The following SELE variants were observed in gnomAD, a reference collection of about 807,000 sequenced individuals.
SELE encodes selectin E, also known as E-selectin.
Under a neutral mutation model 75.8 loss-of-function variants are expected in SELE, and 52 were observed. The observed-to-expected ratio is 0.69, with a 90% CI of 0.55 to 0.86. The LOEUF is 0.86. Ranked by LOEUF, SELE falls within the 40% of genes least tolerant of loss-of-function variation. The probability of loss-of-function intolerance (pLI) is 0.00; values close to 1 mark genes in which losing one functional copy is unlikely to be tolerated. For synonymous variants in SELE, 285 were observed against 258.7 expected (o/e 1.10, Z -0.98); for missense variants, 754 against 732.7 (o/e 1.03, Z -0.34).
chr1:169,727,979 C>T (rs767068480), intron 8 of SELE, 52 bp from the exon 9 acceptor site: 84 of 1,590,328 alleles, frequency 5.3e-5, no homozygotes, highest in Non-Finnish European at 6.8e-5. Flanking sequence ...TCCAGCAATA[C>T]GTTTCCCAAG....
chr1:169,728,202 TC>T lies in SELE; in HGVS notation c.1134del (p.Met378IlefsTer27). On this transcript the variant is annotated frameshift_variant, in exon 8 of 14. Coordinates refer to ENST00000333360, the MANE Select transcript of SELE (RefSeq NM_000450.2). LOFTEE classifies it high-confidence loss of function. ...CTGCCAGAAGCACTAGGAAGACAAT[TC>T]ATGTAGCCTCGCTCGGGGTTGGACA... ...TALSNPERGY[M>X]NCLPSASGSF... The T allele has an allele frequency of 1.5e-5, 24 of 1,614,086 alleles. No individual in the cohort carries two copies. Among genetic ancestry groups the T allele is most frequent in the Non-Finnish European group, 2.0e-5 (24 of 1,180,006 alleles).
At chr1:169,725,853 G>C in intron 12 of SELE, 52 bp from the exon 13 acceptor site, 3 of 1,613,784 alleles carry the variant, frequency 1.9e-6, no homozygotes, top group Non-Finnish European at 2.5e-6. Flanking sequence ...AACATGAAGA[G>C]AGAAAAATAT....
At chr1:169,733,131 G>T in intron 2 of SELE, 133 bp from the exon 3 acceptor site, 1 of 916,052 alleles carries the variant, frequency 1.1e-6, no homozygotes, top group South Asian at 2.0e-5. Flanking sequence ...CTTTTCAAAA[G>T]TAAGAAGTAC....
In SELE at chr1:169,728,263, A is replaced by G; in HGVS notation, c.1091-17T>C. On this transcript the variant is annotated splice_polypyrimidine_tract_variant and intron_variant, in intron 7 of 13. Coordinates refer to ENST00000333360, the MANE Select transcript of SELE (RefSeq NM_000450.2). The stretch of plus-strand genomic sequence containing the variant: ...ACTGGAAAGCTGAGACATCAAAATG[A>G]TGGTCAGAAAATATTGCAGTGGAAC... The G allele has an allele frequency of 6.2e-7, 1 of 1,611,330 alleles. No homozygotes were observed. The highest frequency in any genetic ancestry group is 2.2e-5 in the East Asian group (1 of 44,828).
chr1:169,726,162 T>A (rs1209803974), intron 11 of SELE, among the ~76,000 whole-genome samples: 1 of 152,180 alleles, frequency 6.6e-6, no homozygotes, highest in Non-Finnish European at 1.5e-5. Flanking sequence ...TACGGGGTCA[T>A]CTTGCCCAAT....
At chr1:169,733,033 T>A in intron 2 of SELE, 35 bp from the exon 3 acceptor site, 1 of 1,517,610 alleles carries the variant, frequency 6.6e-7, no homozygotes, top group South Asian at 1.3e-5. Context: ...TGGTAGAGTT[T>A]GGTACTGTTG....
intron 4 of SELE, 80 bp from the exon 5 acceptor site, chr1:169,730,697 G>GT (rs1427372740): frequency 3.2e-5 from 25 of 790,060 alleles, no homozygotes; most frequent in South Asian, 6.1e-5. Context: ...ACTACAGTTT[G>GT]GTTTTTTTTT....
chr1:169,729,516 A>T lies in SELE; in HGVS notation c.873T>A (p.Asn291Lys). 1 of 1,614,102 alleles carries T rather than the reference A, an allele frequency of 6.2e-7. No individual in the cohort carries two copies. The highest frequency in any genetic ancestry group is 1.1e-5 in the South Asian group (1 of 91,074). The stretch of plus-strand genomic sequence containing the variant: ...TACACGTTGGCTTCTCGTTGTCCCA[A>T]TTCCCAGATGAGGTACACTGAAGGC... Reference protein sequence around the residue: ...AQSLQCTSSGNWDNEKPTCKA... With the variant: ...AQSLQCTSSGKWDNEKPTCKA... The change falls in exon 6 of 14, where the codon AAT (asparagine) becomes AAA (lysine). Residue 291 changes from asparagine to lysine, a missense_variant. By Grantham distance (94) the Asn-to-Lys change is moderately conservative. Coordinates refer to ENST00000333360, the MANE Select transcript of SELE (RefSeq NM_000450.2).
Position 169,732,796 on chromosome 1 carries a change from C to T in SELE, c.240G>A (p.Val80=). The T allele has an allele frequency of 1.2e-6, 2 of 1,614,150 alleles. No homozygotes were observed. The change falls in exon 3 of 14, where the codon GTG becomes GTA. Residue 80 remains valine, a synonymous_variant. Coordinates refer to ENST00000333360, the MANE Select transcript of SELE (RefSeq NM_000450.2). The stretch of plus-strand genomic sequence containing the variant: ...GTTTCTGGGTTCCTACCCAGACCCA[C>T]ACATTGTTGACTTTTCTGATTCCAA... ...YWIGIRKVNN[V]WVWVGTQKPL...
intron 9 of SELE, 24 bp downstream of exon 9, chr1:169,727,715 A>G (rs775610038): frequency 3.7e-6 from 6 of 1,608,040 alleles, no homozygotes; most frequent in Non-Finnish European, 5.1e-6. Context: ...CCTGTACCCT[A>G]AAAAAGTCTG....
At chr1:169,733,390 A>G (rs1417885770) in intron 2 of SELE, among the ~76,000 whole-genome samples, 186 bp downstream of exon 2, 1 of 152,196 alleles carries the variant, frequency 6.6e-6, no homozygotes, top group African/African-American at 2.4e-5. Flanking sequence ...CTTTACACTT[A>G]AGGAAAGGGA....
At chr1:169,724,810 G>A (rs560830203) in intron 13 of SELE, among the ~76,000 whole-genome samples, 7 of 152,214 alleles carry the variant, frequency 4.6e-5, no homozygotes, top group Non-Finnish European at 7.3e-5. Context: ...AGGGGGAATT[G>A]AAGGGGTGGT....
chr1:169,733,674 A>G lies in SELE; in HGVS notation c.-48-14T>C. 6.7e-7 allele frequency: 1 copy of G among 1,502,588 alleles called. No individual in the cohort carries two copies. Among genetic ancestry groups the G allele is most frequent in the South Asian group, 1.1e-5 (1 of 88,624 alleles). 93.1% of individuals were successfully genotyped at this position (1,502,588 alleles called of 1,614,324 possible). A position where few individuals can be genotyped will look rare whatever the true frequency, so the allele number is the denominator to read the frequency against. On this transcript the variant is annotated splice_polypyrimidine_tract_variant and intron_variant, in intron 1 of 13. Transcript: ENST00000333360. ...TGAAATACTTTCCTGGGGAGATAAAACACAAAATGAATTAAAGAAGGAAAT... is the reference window on the plus strand; with the variant it reads ...TGAAATACTTTCCTGGGGAGATAAAGCACAAAATGAATTAAAGAAGGAAAT...
intron 5 of SELE, 105 bp from the exon 6 acceptor site, chr1:169,729,778 A>ATT: frequency 9.7e-7 from 1 of 1,028,884 alleles, no homozygotes; most frequent in Non-Finnish European, 1.4e-6. Context: ...CAAAGGGTAG[A>ATT]TCCCAAAGTC....
chr1:169,731,778 AG>A, intron 4 of SELE, 56 bp downstream of exon 4: 1 of 1,175,442 alleles, frequency 8.5e-7, no homozygotes, highest in Non-Finnish European at 1.3e-6. Flanking sequence ...AATGCCAGCT[AG>A]GACGTGAGAT....
chr1:169,733,003 T>TC lies in SELE; in HGVS notation c.38-6_38-5insG. ...CACTCTCTTTAATGAGAAGCACTAGTGGGAGAAAAAGAAAAGAAATGGTAG... is the reference window on the plus strand; with the variant it reads ...CACTCTCTTTAATGAGAAGCACTAGTCGGGAGAAAAAGAAAAGAAATGGTAG... On this transcript the variant is annotated splice_polypyrimidine_tract_variant and splice_region_variant and intron_variant, in intron 2 of 13. Coordinates refer to ENST00000333360, the MANE Select transcript of SELE (RefSeq NM_000450.2). 1 of 1,553,378 alleles carries TC rather than the reference T, an allele frequency of 6.4e-7. No homozygotes were observed. The highest frequency in any genetic ancestry group is 2.2e-5 in the East Asian group (1 of 44,462).
In SELE at chr1:169,727,331, C is replaced by T. The variant is rs373886816; in HGVS notation, c.1645+18G>A. The stretch of plus-strand genomic sequence containing the variant: ...TTCTTTTTAATCACCAGACAACCAC[C>T]ATCAATCAATGCATCACCTTCACAG... On this transcript the variant is annotated intron_variant, in intron 10 of 13. Coordinates refer to ENST00000333360, the MANE Select transcript of SELE (RefSeq NM_000450.2). The T allele has an allele frequency of 2.6e-5, 42 of 1,598,752 alleles. No individual in the cohort carries two copies. The highest frequency in any genetic ancestry group is 3.3e-5 in the Non-Finnish European group (39 of 1,171,058).
Position 169,730,423 on chromosome 1 carries a change from G to A in SELE, c.715+9C>T. 1 of 1,572,934 alleles carries A rather than the reference G, an allele frequency of 6.4e-7. No individual in the cohort carries two copies. Among genetic ancestry groups the A allele is most frequent in the South Asian group, 1.2e-5 (1 of 84,868 alleles). On this transcript the variant is annotated intron_variant, in intron 5 of 13. Transcript: ENST00000333360. Reference sequence around the variant, plus strand: ...ACAGAACGTTCTGTGCATTCTCAGAGGGATTTACCATTGCAGGCTGGAATA... The same window carrying A: ...ACAGAACGTTCTGTGCATTCTCAGAAGGATTTACCATTGCAGGCTGGAATA...
chr1:169,724,887 CA>C (rs1273047074), intron 13 of SELE, among the ~76,000 whole-genome samples: 2 of 152,022 alleles, frequency 1.3e-5, no homozygotes. Context: ...ACCGCACACA[CA>C]AAAAAAGTTA....
Sources: gnomAD v4.1 joint callset for allele counts (sites outside exome capture counted in the v4.1 genomes callset) on GRCh38, gnomAD v4.1.1 for gene constraint, MANE v1.5 for transcripts, NCBI Gene and HGNC (gene_info 2026-07-23, HGNC 2026-07-21) for gene names.